The following ATCAY variants were observed in gnomAD, a reference collection of about 807,000 sequenced individuals.
ATCAY encodes the protein ATCAY kinesin light chain interacting caytaxin.
In ATCAY, 22 loss-of-function variants were observed where a neutral mutation model predicts 47.7. The ratio of observed to expected loss-of-function variants is 0.46; its 90% confidence interval spans 0.33 to 0.66. ATCAY has a LOEUF of 0.66. Among genes scored for constraint, ATCAY ranks in the 30% least tolerant of loss-of-function variants. The pLI, the probability that ATCAY is intolerant of heterozygous loss-of-function variation, is 0.02. For missense variants in ATCAY, 452 were observed against 515.0 expected (o/e 0.88, Z 1.18); for synonymous variants, 216 against 207.6 (o/e 1.04, Z -0.35).
rs749534755 is a variant in ATCAY at position 3,909,548 on chromosome 19, G to A, written c.710G>A (p.Gly237Asp). 6.2e-7 allele frequency: 1 copy of A among 1,613,828 alleles called. No homozygotes were observed. The highest frequency in any genetic ancestry group is 1.1e-5 in the South Asian group (1 of 91,056). Residue 237 changes from glycine to aspartate, a missense_variant, in exon 7 of 13, where the codon GGT (glycine) becomes GAT (aspartate). Coordinates refer to ENST00000450849, the MANE Select transcript of ATCAY (RefSeq NM_033064.5). ...AEDYMIVYLNGATPRRRMPGI... is the reference protein window; with the variant it reads ...AEDYMIVYLNDATPRRRMPGI... ...GACTACATGATCGTGTACCTGAACG[G>A]TGCCACGCCCCGGCGGAGGATGCCT...
intron 2 of ATCAY, among the ~76,000 whole-genome samples, chr19:3,900,335 G>A (rs867957874): frequency 6.0e-5 from 9 of 151,064 alleles, no homozygotes; most frequent in Non-Finnish European, 1.2e-4. Context: ...GGGACTACAG[G>A]CACCACCACG....
intron 12 of ATCAY, among the ~76,000 whole-genome samples, chr19:3,921,077 CCA>C (rs2039014745): frequency 6.6e-6 from 1 of 152,050 alleles, no homozygotes; most frequent in African/African-American, 2.4e-5. Context: ...AAATGAGGCC[CCA>C]GAGTTATGCA....
intron 1 of ATCAY, among the ~76,000 whole-genome samples, chr19:3,883,002 C>T (rs970166777): frequency 1.3e-5 from 2 of 151,510 alleles, no homozygotes; most frequent in African/African-American, 4.9e-5. Flanking sequence ...CCAGGCTGGT[C>T]TCGAACCCCT....
At chr19:3,884,730 A>T (rs2038632995) in intron 1 of ATCAY, among the ~76,000 whole-genome samples, 1 of 152,008 alleles carries the variant, frequency 6.6e-6, no homozygotes. Context: ...CCCACTGTGC[A>T]TCCTAAGCTC....
In ATCAY at chr19:3,907,811, G is replaced by A. The variant is rs570425021; in HGVS notation, c.436G>A (p.Gly146Ser). 2.7e-5 allele frequency: 44 copies of A among 1,613,970 alleles called. No individual in the cohort carries two copies. The highest frequency in any genetic ancestry group is 2.7e-4 in the East Asian group (12 of 44,878). Residue 146 changes from glycine to serine, a missense_variant, in exon 5 of 13, where the codon GGC (glycine) becomes AGC (serine). Transcript: ENST00000450849. The surrounding 1 kb of genome is among the most constrained non-coding windows in gnomAD (Gnocchi z 5.1). ...DLFGDGTTED[G>S]SAANGRLWRT... Reference sequence around the variant, plus strand: ...ATTTGGGGACGGCACGACGGAGGACGGCAGCGCCGCCAACGGGCGCCTGTG... The same window carrying A: ...ATTTGGGGACGGCACGACGGAGGACAGCAGCGCCGCCAACGGGCGCCTGTG...
intron 2 of ATCAY, among the ~76,000 whole-genome samples, chr19:3,898,032 C>T (rs2038784573): frequency 6.6e-6 from 1 of 152,038 alleles, no homozygotes; most frequent in Admixed American, 6.6e-5. Context: ...TGTTCTGCAA[C>T]CCCACATCTA....
intron 9 of ATCAY, among the ~76,000 whole-genome samples, chr19:3,915,437 G>A (rs755918846): frequency 1.3e-4 from 20 of 151,188 alleles, no homozygotes; most frequent in Admixed American, 2.0e-4. Flanking sequence ...TACCGGCCTC[G>A]GCCTCCCAAA....
intron 3 of ATCAY, among the ~76,000 whole-genome samples, chr19:3,903,107 G>A (rs2145240394): frequency 6.6e-6 from 1 of 152,060 alleles, no homozygotes; most frequent in Non-Finnish European, 1.5e-5. Flanking sequence ...CTGAGTAGCT[G>A]GGACTACAGG....
chr19:3,909,717 C>T, intron 7 of ATCAY, 100 bp downstream of exon 7: 1 of 1,487,580 alleles, frequency 6.7e-7, no homozygotes, highest in East Asian at 2.5e-5. Context: ...CTTCGGGAGG[C>T]TGAGGTGGGA....
chr19:3,889,314 G>A (rs2038692316), intron 2 of ATCAY, among the ~76,000 whole-genome samples: 1 of 152,202 alleles, frequency 6.6e-6, no homozygotes, highest in African/African-American at 2.4e-5. Flanking sequence ...TCGGGAAGCT[G>A]AGGAAGGAGA....
At chr19:3,908,782 TCTC>T (rs749394079) in intron 6 of ATCAY, among the ~76,000 whole-genome samples, 3 of 82,090 alleles carry the variant, frequency 3.7e-5, no homozygotes, top group Non-Finnish European at 7.3e-5. Context: ...CCCTCTTCCT[TCTC>T]CTCCTCTTCC....
At chr19:3,921,448 GGAAA>G (rs1272008454) in intron 12 of ATCAY, among the ~76,000 whole-genome samples, 1 of 150,844 alleles carries the variant, frequency 6.6e-6, no homozygotes, top group Non-Finnish European at 1.5e-5. Context: ...AAAAAAAAAA[GGAAA>G]GAAAAGAAAA....
intron 2 of ATCAY, among the ~76,000 whole-genome samples, chr19:3,886,705 C>G (rs2038659637): frequency 6.6e-6 from 1 of 151,204 alleles, no homozygotes; most frequent in Non-Finnish European, 1.5e-5. Flanking sequence ...ACTTACCTCC[C>G]CTAACATGCT....
chr19:3,904,665 A>G (rs1489168300), intron 3 of ATCAY, among the ~76,000 whole-genome samples: 1 of 151,442 alleles, frequency 6.6e-6, no homozygotes, highest in Non-Finnish European at 1.5e-5. Flanking sequence ...CACACGTCCT[A>G]TTGGATTTGT....
intron 2 of ATCAY, among the ~76,000 whole-genome samples, chr19:3,886,420 A>G (rs991405161): frequency 2.6e-5 from 4 of 152,046 alleles, no homozygotes; most frequent in East Asian, 2.0e-4. Context: ...GTGAAACTCC[A>G]TCTCTACTAA....
intron 2 of ATCAY, among the ~76,000 whole-genome samples, chr19:3,899,173 A>G: frequency 6.6e-6 from 1 of 152,140 alleles, no homozygotes; most frequent in East Asian, 1.9e-4. Context: ...CTGGAGACGC[A>G]GTGGTTACGC....
chr19:3,895,872 T>A (rs763763009), intron 2 of ATCAY, among the ~76,000 whole-genome samples: 1 of 151,622 alleles, frequency 6.6e-6, no homozygotes, highest in Non-Finnish European at 1.5e-5. Flanking sequence ...CATGCCACCA[T>A]GCCTGGCTAA....
At chr19:3,894,823 C>G (rs529732998) in intron 2 of ATCAY, among the ~76,000 whole-genome samples, 1 of 151,616 alleles carries the variant, frequency 6.6e-6, no homozygotes, top group African/African-American at 2.4e-5. Flanking sequence ...GTGGTGCACA[C>G]CTAGGGTCCC....
intron 8 of ATCAY, among the ~76,000 whole-genome samples, chr19:3,912,436 G>C (rs1036205998): frequency 6.6e-6 from 1 of 151,932 alleles, no homozygotes; most frequent in African/African-American, 2.4e-5. Context: ...TCAGCCTCCC[G>C]AGCAGCTGGG....
Sources: gnomAD v4.1 joint callset for allele counts (sites outside exome capture counted in the v4.1 genomes callset) on GRCh38, gnomAD v4.1.1 for gene constraint, Gnocchi (gnomAD v3.1) non-coding constraint, MANE v1.5 for transcripts, NCBI Gene and HGNC (gene_info 2026-07-23, HGNC 2026-07-21) for gene names.